The following SYNPR variants were observed in gnomAD, a reference collection of about 807,000 sequenced individuals.
SYNPR encodes synaptoporin.
Under a neutral mutation model 32.9 loss-of-function variants are expected in SYNPR, and 23 were observed. The ratio of observed to expected loss-of-function variants is 0.70; its 90% CI spans 0.50 to 0.99. The LOEUF (loss-of-function observed/expected upper bound fraction) is 0.99. Ranked by LOEUF, SYNPR falls within the 50% of genes least tolerant of loss-of-function variation. The pLI is 0.00. For missense variants in SYNPR, 318 were observed against 349.3 expected, an observed-to-expected ratio of 0.91 and a Z score of 0.71; for synonymous variants, 146 against 135.9, an observed-to-expected ratio of 1.07 and a Z score of -0.52.
intron 2 of SYNPR, among the ~76,000 whole-genome samples, chr3:63,379,838 T>A (rs915271697): frequency 2.0e-5 from 3 of 149,620 alleles, no homozygotes; most frequent in South Asian, 2.2e-4. Flanking sequence ...CCCTCCCTCC[T>A]CCCCCAACCC....
intron 4 of SYNPR, among the ~76,000 whole-genome samples, chr3:63,558,136 A>G (rs990524139): frequency 1.3e-5 from 2 of 152,104 alleles, no homozygotes; most frequent in African/African-American, 2.4e-5. Context: ...TTTCTCTGCT[A>G]TGTTTTGACA....
the SYNPR span, among the ~76,000 whole-genome samples, chr3:63,210,423 T>C: frequency 2.0e-5 from 3 of 152,232 alleles, no homozygotes; most frequent in African/African-American, 7.2e-5. Context: ...ACAAAAGTGA[T>C]TTTACACAGG....
chr3:63,322,648 TACAAAC>T (rs1291999564), intron 2 of SYNPR, among the ~76,000 whole-genome samples: 23 of 152,124 alleles, frequency 1.5e-4, no homozygotes, highest in Admixed American at 1.5e-3. Flanking sequence ...GTCCCCATTC[TACAAAC>T]AAAAAACTAA....
chr3:63,224,944 G>C (rs1010725358), upstream of SYNPR, among the ~76,000 whole-genome samples: 3 of 152,170 alleles, frequency 2.0e-5, no homozygotes, highest in Admixed American at 2.0e-4. Flanking sequence ...TGATGAACAG[G>C]GTGGATCGTC....
At chr3:63,511,908 T>C (rs1701705783) in intron 3 of SYNPR, among the ~76,000 whole-genome samples, 2 of 152,168 alleles carry the variant, frequency 1.3e-5, no homozygotes, top group South Asian at 4.1e-4. Context: ...ATGCTTATTG[T>C]AAAATATTCA....
At chr3:63,307,878 C>A (rs2086923050) in intron 2 of SYNPR, among the ~76,000 whole-genome samples, 1 of 151,938 alleles carries the variant, frequency 6.6e-6, no homozygotes, top group South Asian at 2.1e-4. Context: ...GCATTTGGTA[C>A]TGAGGGACTA....
chr3:63,577,340 G>A (rs1703002612), intron 4 of SYNPR, among the ~76,000 whole-genome samples: 1 of 152,170 alleles, frequency 6.6e-6, no homozygotes, highest in Non-Finnish European at 1.5e-5. Context: ...AGAGAAAGTT[G>A]AATTATAGAG....
chr3:63,436,146 ATTG>A (rs1416962381), intron 2 of SYNPR, among the ~76,000 whole-genome samples: 1 of 151,938 alleles, frequency 6.6e-6, no homozygotes, highest in Non-Finnish European at 1.5e-5. Flanking sequence ...GGATTTGAGA[ATTG>A]TTGTTTCCTA....
intron 2 of SYNPR, among the ~76,000 whole-genome samples, chr3:63,316,371 T>A (rs2087043490): frequency 2.0e-5 from 3 of 152,018 alleles, no homozygotes; most frequent in Admixed American, 2.0e-4. Context: ...TCCTGGACTT[T>A]TTTTTGTTTG....
intron 2 of SYNPR, among the ~76,000 whole-genome samples, chr3:63,401,753 G>A (rs1228652642): frequency 6.6e-6 from 1 of 152,168 alleles, no homozygotes; most frequent in African/African-American, 2.4e-5. Flanking sequence ...ATCACTAGTT[G>A]ATTGTACTTT....
chr3:63,220,566 T>C, the SYNPR span, among the ~76,000 whole-genome samples: 2 of 152,190 alleles, frequency 1.3e-5, no homozygotes, highest in South Asian at 4.1e-4. Flanking sequence ...GAAGACTTGC[T>C]CTTTCCTGGT....
Position 63,458,789 on chromosome 3 carries a change from A to C in SYNPR, c.85-22043A>C, listed in dbSNP as rs1050392846. On this transcript the variant is annotated intron_variant, in intron 2 of 5. Transcript: ENST00000478300. ...ACTGCCAGAGCACACTCACCTGATT[A>C]TCTCAATCTTACCTGAGTTTCAACC... 3.9e-5 allele frequency among the ~76,000 whole-genome samples: 6 copies of C among 152,104 alleles called. No homozygotes were observed. In the South Asian group the frequency reaches 1.2e-3, roughly 32 times the overall value.
chr3:63,319,138 C>A (rs1319553999), intron 2 of SYNPR, among the ~76,000 whole-genome samples: 1 of 151,978 alleles, frequency 6.6e-6, no homozygotes, highest in Non-Finnish European at 1.5e-5. Context: ...CCACGGATAC[C>A]AGTGCTTGTT....
chr3:63,240,999 T>A (rs2086237788), intron 1 of SYNPR, among the ~76,000 whole-genome samples: 3 of 151,962 alleles, frequency 2.0e-5, no homozygotes, highest in Admixed American at 6.6e-5. Context: ...GATAGTAAAA[T>A]GACCCTTATT....
chr3:63,249,376 C>A (rs2106887857), intron 1 of SYNPR, among the ~76,000 whole-genome samples: 1 of 152,148 alleles, frequency 6.6e-6, no homozygotes, highest in South Asian at 2.1e-4. Flanking sequence ...TGGTGATATT[C>A]ATCAATATTT....
chr3:63,459,863 C>T (rs115953516), intron 2 of SYNPR, among the ~76,000 whole-genome samples: 2,121 of 152,086 alleles, frequency 0.014, 44 homozygotes, highest in African/African-American at 0.048. Context: ...TGCTGCCATC[C>T]GTCATTCAGC....
intron 2 of SYNPR, chr3:63,427,690 T>C (rs1038557465): frequency 6.6e-6 from 1 of 152,266 alleles, no homozygotes; most frequent in African/African-American, 2.4e-5. Flanking sequence ...TGGTAGATTC[T>C]GATTAATCCC....
intron 3 of SYNPR, among the ~76,000 whole-genome samples, chr3:63,532,717 C>T (rs1052702469): frequency 1.3e-5 from 2 of 152,198 alleles, no homozygotes; most frequent in East Asian, 1.9e-4. Context: ...ATCCCACTGA[C>T]GTCCATAAGA....
intron 1 of SYNPR, among the ~76,000 whole-genome samples, chr3:63,249,220 GA>G (rs1468608987): frequency 1.3e-5 from 2 of 152,040 alleles, no homozygotes; most frequent in Non-Finnish European, 2.9e-5. Context: ...TAAAGACATG[GA>G]AAATCAGAAA....
Sources: gnomAD v4.1 joint callset for allele counts (sites outside exome capture counted in the v4.1 genomes callset) on GRCh38, gnomAD v4.1.1 for gene constraint, MANE v1.5 for transcripts, NCBI Gene and HGNC (gene_info 2026-07-23, HGNC 2026-07-21) for gene names.